NATD1: variants seen among roughly 807,000 people sequenced by gnomAD.
NATD1 encodes the protein protein NATD1.
In NATD1, 9 loss-of-function variants were observed where a neutral mutation model predicts 12.0. That is an observed-to-expected ratio of 0.75 (90% CI 0.45 to 1.30). The LOEUF is 1.30. Ranked by LOEUF, NATD1 falls within the 50% of genes most tolerant of loss-of-function variation. The pLI, the probability that NATD1 is intolerant of heterozygous loss-of-function variation, is 0.00. For missense variants in NATD1, 148 were observed against 148.5 expected (o/e 1.00, Z 0.02); for synonymous variants, 71 against 65.9 (o/e 1.08, Z -0.37).
chr17:21,240,938 T>C lies in NATD1; in HGVS notation c.*2375A>G, dbSNP rs1975265538. The stretch of plus-strand genomic sequence containing the variant: ...GCCCTGCCTAGCCCCTTGGCGTGGG[T>C]TAGCGGTGCTTTAAGGCAGCCCGAG... On this transcript the variant is annotated 3_prime_UTR_variant, in exon 3 of 3. Transcript: ENST00000611551. 6.5e-6 allele frequency: 1 copy of C among 152,724 alleles called. No homozygotes were observed. Among genetic ancestry groups the C allele is most frequent in the Non-Finnish European group, 1.5e-5 (1 of 68,126 alleles). 9.5% of individuals were successfully genotyped at this position (152,724 alleles called of 1,614,324 possible). A position where few individuals can be genotyped will look rare whatever the true frequency, so the allele number is the denominator to read the frequency against.
intron 1 of NATD1, among the ~76,000 whole-genome samples, chr17:21,246,792 TAA>T (rs1236473141): frequency 6.6e-6 from 1 of 152,140 alleles, no homozygotes; most frequent in African/African-American, 2.4e-5. Flanking sequence ...GCTGCCACTG[TAA>T]AGAGGGCATA....
At chr17:21,249,587 C>T (rs1281454187) in intron 1 of NATD1, among the ~76,000 whole-genome samples, 2 of 152,200 alleles carry the variant, frequency 1.3e-5, no homozygotes, top group East Asian at 1.9e-4. Context: ...AGCTGACTCT[C>T]TGGGGCCTCA....
chr17:21,243,483 G>T (rs1975297699), intron 2 of NATD1, 54 bp from the exon 3 acceptor site: 4 of 1,449,236 alleles, frequency 2.8e-6, no homozygotes, highest in Non-Finnish European at 3.8e-6. Context: ...GCACCAGAAG[G>T]TAGCATTGTC....
chr17:21,246,551 G>A (rs1975326737), intron 1 of NATD1, among the ~76,000 whole-genome samples: 1 of 152,102 alleles, frequency 6.6e-6, no homozygotes, highest in African/African-American at 2.4e-5. Context: ...GCTGAGCATG[G>A]TGGTACACAC....
rs1975398139 is a variant in NATD1, at chr17:21,253,348, G to A, written c.-84C>T. 6 of 521,392 alleles carry A rather than the reference G, an allele frequency of 1.2e-5. No individual in the cohort carries two copies. Among genetic ancestry groups the A allele is most frequent in the South Asian group, 7.7e-5 (1 of 12,908 alleles). 32.3% of individuals were successfully genotyped at this position (521,392 alleles called of 1,614,324 possible). A position where few individuals can be genotyped will look rare whatever the true frequency, so the allele number is the denominator to read the frequency against. On this transcript the variant is annotated 5_prime_UTR_variant, in exon 1 of 3. Transcript: ENST00000611551. ...GGCGCGCGGCGGGGCTGGAGCGCGG[G>A]CGCAGGCGGCAGGCGGTGGGGTAGT...
intron 1 of NATD1, among the ~76,000 whole-genome samples, chr17:21,251,170 A>G (rs1975371382): frequency 6.6e-6 from 1 of 152,018 alleles, no homozygotes; most frequent in South Asian, 2.1e-4. Flanking sequence ...GTGGTCAGCT[A>G]TCTGGGCAGT....
chr17:21,253,158 C>A lies in NATD1; in HGVS notation c.106+1G>T. On this transcript the variant is annotated splice_donor_variant, in intron 1 of 2. Coordinates refer to ENST00000611551, the MANE Select transcript of NATD1 (RefSeq NM_152914.3). LOFTEE classifies it high-confidence loss of function. ...GTCGGGGCGGGCCGGGGCCGCCTTA[C>A]CGTTGAGCCGGACAGTGAACTGGCG... 9.8e-7 allele frequency: 1 copy of A among 1,020,990 alleles called. No individual in the cohort carries two copies. The highest frequency in any genetic ancestry group is 5.9e-5 in the Admixed American group (1 of 16,840). 63.2% of individuals were successfully genotyped at this position (1,020,990 alleles called of 1,614,324 possible).
chr17:21,244,299 G>A lies in NATD1; in HGVS notation c.107-75C>T, dbSNP rs1975306962. 1 of 1,333,340 alleles carries A rather than the reference G, an allele frequency of 7.5e-7. No individual in the cohort carries two copies. The allele number at this position is 1,333,340 out of a possible 1,614,324, so 82.6% of individuals were successfully genotyped here. A position where few individuals can be genotyped will look rare whatever the true frequency, so the allele number is the denominator to read the frequency against. ...ACTCAGGCACCAAGACGGGTGGAGG[G>A]ACAGGCATTTGGAGTCATTCAGCTG... is the stretch of plus-strand genomic sequence containing the variant. On this transcript the variant is annotated intron_variant, in intron 1 of 2. Transcript: ENST00000611551. This position sits in a 1 kb window ranked among gnomAD's most constrained non-coding sequence, Gnocchi z 5.2.
intron 1 of NATD1, among the ~76,000 whole-genome samples, chr17:21,249,285 G>A (rs1324329053): frequency 1.3e-5 from 2 of 152,198 alleles, no homozygotes; most frequent in African/African-American, 2.4e-5. Flanking sequence ...GCTGTGGCAC[G>A]GGACAAGGAC....
Position 21,244,139 on chromosome 17 carries a change from G to T in NATD1, c.192C>A (p.Tyr64Ter). ...GGTGCTTGGCGATGCCACGCCCACG[G>T]TAGGCATCTGGGACCTCGGTGTGCT... ...DLQHTEVPDAYRGRGIAKHLA... is the reference protein window; with the variant it reads ...DLQHTEVPDA The change falls in exon 2 of 3, where the codon TAC (tyrosine) becomes TAA (stop). Residue 64 changes from tyrosine to a stop codon, truncating the protein, a stop_gained. Coordinates refer to ENST00000611551, the MANE Select transcript of NATD1 (RefSeq NM_152914.3). LOFTEE classifies it high-confidence loss of function. The surrounding 1 kb of genome is among the most constrained non-coding windows in gnomAD (Gnocchi z 5.2). 1 of 1,612,960 alleles carries T rather than the reference G, an allele frequency of 6.2e-7. No homozygotes were observed. Among genetic ancestry groups the T allele is most frequent in the Non-Finnish European group, 8.5e-7 (1 of 1,179,800 alleles).
chr17:21,249,080 A>G (rs1454218039), intron 1 of NATD1, among the ~76,000 whole-genome samples: 1 of 152,132 alleles, frequency 6.6e-6, no homozygotes, highest in East Asian at 1.9e-4. Flanking sequence ...AGGGGAGGCG[A>G]TCACAGAGAA....
At chr17:21,251,590 T>C (rs771434687) in intron 1 of NATD1, among the ~76,000 whole-genome samples, 2 of 152,178 alleles carry the variant, frequency 1.3e-5, no homozygotes, top group Non-Finnish European at 2.9e-5. Context: ...CTAGCCTCAG[T>C]TTCCTCATCT....
chr17:21,253,327 C>T lies in NATD1; in HGVS notation c.-63G>A. On this transcript the variant is annotated 5_prime_UTR_variant, in exon 1 of 3. Coordinates refer to ENST00000611551, the MANE Select transcript of NATD1 (RefSeq NM_152914.3). ...GGGGCGCGCGGGGAAAGGTCAGGCG[C>T]GCGGCGGGGCTGGAGCGCGGGCGCA... 1.4e-6 allele frequency: 1 copy of T among 729,774 alleles called. No homozygotes were observed. Among genetic ancestry groups the T allele is most frequent in the Non-Finnish European group, 1.7e-6 (1 of 598,164 alleles). The allele number at this position is 729,774 out of a possible 1,614,324, so 45.2% of individuals were successfully genotyped here. A position where few individuals can be genotyped will look rare whatever the true frequency, so the allele number is the denominator to read the frequency against.
In NATD1 at chr17:21,253,192, G is replaced by A; in HGVS notation, c.73C>T (p.Arg25Cys). Residue 25 changes from arginine to cysteine, a missense_variant, in exon 1 of 3, where the codon CGC becomes TGC. Transcript: ENST00000611551. ...CGGACAGTGAACTGGCGGCGCCGGC[G>A]GTCGTGCTCCACGCGGATGGGGCAG... ...QGCPIRVEHD[R>C]RRRQFTVRLN... 2.0e-6 allele frequency: 2 copies of A among 1,016,520 alleles called. No individual in the cohort carries two copies. The highest frequency in any genetic ancestry group is 2.3e-6 in the Non-Finnish European group (2 of 851,722). The allele number at this position is 1,016,520 out of a possible 1,614,324, so 63.0% of individuals were successfully genotyped here. A position where few individuals can be genotyped will look rare whatever the true frequency, so the allele number is the denominator to read the frequency against.
intron 1 of NATD1, among the ~76,000 whole-genome samples, chr17:21,246,490 G>A (rs1198624182): frequency 1.3e-5 from 2 of 150,200 alleles, no homozygotes; most frequent in Non-Finnish European, 3.0e-5. Flanking sequence ...CTCCAGGCTG[G>A]GCAACAAGGG....
chr17:21,253,231 C>T lies in NATD1; in HGVS notation c.34G>A (p.Ala12Thr). The change falls in exon 1 of 3, where the codon GCG becomes ACG. Residue 12 changes from alanine to threonine, a missense_variant. Transcript: ENST00000611551. ...CGGATGGGGCAGCCCTGCTCCAGCGCGCCCAGCGGCACGGCGGCAGCCGAG... is the reference window on the plus strand; with the variant it reads ...CGGATGGGGCAGCCCTGCTCCAGCGTGCCCAGCGGCACGGCGGCAGCCGAG... Reference protein sequence around the residue: ...AHSAAAVPLGALEQGCPIRVE... With the variant: ...AHSAAAVPLGTLEQGCPIRVE... 1 of 1,001,976 alleles carries T rather than the reference C, an allele frequency of 1.0e-6. No homozygotes were observed. The highest frequency in any genetic ancestry group is 1.8e-5 in the African/African-American group (1 of 57,130). 62.1% of individuals were successfully genotyped at this position (1,001,976 alleles called of 1,614,324 possible).
At chr17:21,249,031 C>G (rs1975352440) in intron 1 of NATD1, among the ~76,000 whole-genome samples, 2 of 152,116 alleles carry the variant, frequency 1.3e-5, no homozygotes, top group Admixed American at 6.6e-5. Context: ...CTCTCTGCCC[C>G]TCCTGAACCT....
chr17:21,243,605 C>T (rs1470859642), intron 2 of NATD1, among the ~76,000 whole-genome samples, 176 bp from the exon 3 acceptor site: 1 of 152,076 alleles, frequency 6.6e-6, no homozygotes, highest in African/African-American at 2.4e-5. Context: ...GTCCGGTACA[C>T]AAGGAAAAAA....
At chr17:21,250,116 T>C (rs1975361574) in intron 1 of NATD1, among the ~76,000 whole-genome samples, 1 of 152,230 alleles carries the variant, frequency 6.6e-6, no homozygotes, top group South Asian at 2.1e-4. Context: ...ATCTGTCTTC[T>C]GCTCAGGACC....
Sources: gnomAD v4.1 joint callset for allele counts (sites outside exome capture counted in the v4.1 genomes callset) on GRCh38, gnomAD v4.1.1 for gene constraint, Gnocchi (gnomAD v3.1) non-coding constraint, MANE v1.5 for transcripts, NCBI Gene and HGNC (gene_info 2026-07-23, HGNC 2026-07-21) for gene names.